Variants in LYPLAL1 observed in about 807,000 individuals in gnomAD.
The protein encoded by LYPLAL1 is lysophospholipase like 1.
A neutral mutation model predicts 19.7 loss-of-function variants in LYPLAL1; 23 were observed. The ratio of observed to expected loss-of-function variants is 1.17; its 90% confidence interval spans 0.84 to 1.65. The LOEUF (loss-of-function observed/expected upper bound fraction) is 1.65. Among genes scored for constraint, LYPLAL1 ranks in the 40% most tolerant of loss-of-function variants. The pLI is 0.00. For missense variants in LYPLAL1, 355 were observed against 279.4 expected (o/e 1.27, Z -1.93); for synonymous variants, 119 against 96.3 (o/e 1.24, Z -1.38).
the LYPLAL1 span, among the ~76,000 whole-genome samples, chr1:219,231,754 C>A: frequency 6.6e-6 from 1 of 152,196 alleles, no homozygotes; most frequent in Non-Finnish European, 1.5e-5. Context: ...TGTAGACCGT[C>A]TGCCATGCTT....
the LYPLAL1 span, among the ~76,000 whole-genome samples, chr1:219,402,417 A>G: frequency 1.3e-5 from 2 of 152,290 alleles, no homozygotes; most frequent in Admixed American, 1.3e-4. Context: ...AACTAGAAGC[A>G]GTTTGTTTAA....
the LYPLAL1 span, among the ~76,000 whole-genome samples, chr1:219,433,971 T>G: frequency 6.6e-6 from 1 of 152,148 alleles, no homozygotes; most frequent in Non-Finnish European, 1.5e-5. Context: ...ACCTGCTGAT[T>G]CTCAAAGGGG....
the LYPLAL1 span, among the ~76,000 whole-genome samples, chr1:219,238,252 C>A: frequency 6.6e-6 from 1 of 150,720 alleles, no homozygotes; most frequent in African/African-American, 2.4e-5. Flanking sequence ...ATTCTCCTGC[C>A]TCAGCCTCCC....
Position 219,204,074 on chromosome 1 carries a change from C to T in LYPLAL1, c.362-6458C>T, listed in dbSNP as rs1171219672. Among the ~76,000 whole-genome samples, 5 of 152,056 alleles carry T rather than the reference C, an allele frequency of 3.3e-5. No homozygotes were observed. The East Asian group carries it at 9.6e-4, about 29-fold the overall frequency. On this transcript the variant is annotated intron_variant, in intron 3 of 4. Transcript: ENST00000366928. ...CAAAAGGCTCATTACAGGGGATGTT[C>T]AGTTAAAGGGGGTTCCTTGGAGACA...
At chr1:219,228,069 G>T in the LYPLAL1 span, among the ~76,000 whole-genome samples, 1 of 152,082 alleles carries the variant, frequency 6.6e-6, no homozygotes. Flanking sequence ...CGGCTTCAGC[G>T]GTTCCAGGCA....
At chr1:219,174,582 G>T (rs1187619857) in intron 1 of LYPLAL1, among the ~76,000 whole-genome samples, 3 of 152,050 alleles carry the variant, frequency 2.0e-5, no homozygotes. Flanking sequence ...GACTACAGGG[G>T]CAGGACCCCC....
At chr1:219,247,257 C>T in the LYPLAL1 span, among the ~76,000 whole-genome samples, 1 of 152,062 alleles carries the variant, frequency 6.6e-6, no homozygotes, top group Non-Finnish European at 1.5e-5. Context: ...CAGACTTACA[C>T]TCTAACGAAT....
the LYPLAL1 span, among the ~76,000 whole-genome samples, chr1:219,220,543 G>A: frequency 6.6e-6 from 1 of 152,190 alleles, no homozygotes; most frequent in African/African-American, 2.4e-5. Flanking sequence ...CCTTCTGGCC[G>A]TTACCTGGAA....
the LYPLAL1 span, among the ~76,000 whole-genome samples, chr1:219,339,879 A>G: frequency 6.6e-6 from 1 of 152,022 alleles, no homozygotes; most frequent in Non-Finnish European, 1.5e-5. Flanking sequence ...TGACTAACCA[A>G]AAACTCCACA....
At chr1:219,407,092 A>G in the LYPLAL1 span, among the ~76,000 whole-genome samples, 31,338 of 152,202 alleles carry the variant, frequency 0.21, 3,223 homozygotes, top group Non-Finnish European at 0.22. Context: ...GGCAACCAGT[A>G]TGTCTGTTCC....
At chr1:219,383,937 G>T in the LYPLAL1 span, among the ~76,000 whole-genome samples, 244 of 152,240 alleles carry the variant, frequency 1.6e-3, no homozygotes, top group African/African-American at 5.5e-3. Flanking sequence ...TTCTGTTAGG[G>T]CTATAGCATT....
Position 219,205,417 on chromosome 1 carries a change from TA to T in LYPLAL1, c.362-5110del, listed in dbSNP as rs543236989. ...AGCACTCAGTAAGTATGTGTTCAAT[TA>T]AAAATAATTATAAAATTTTGTAATT... is the stretch of plus-strand genomic sequence containing the variant. On this transcript the variant is annotated intron_variant, in intron 3 of 4. Transcript: ENST00000366928. Among the ~76,000 whole-genome samples the T allele has an allele frequency of 5.1e-4, 77 of 151,836 alleles. 1 individual carries two copies. In the South Asian group the frequency reaches 0.015, roughly 30 times the overall value.
intron 2 of LYPLAL1, among the ~76,000 whole-genome samples, chr1:219,186,148 A>G (rs1333495352): frequency 2.0e-5 from 3 of 151,856 alleles, no homozygotes; most frequent in African/African-American, 7.2e-5. Context: ...ATTTGGAGCT[A>G]TTCTAGATAT....
chr1:219,263,007 A>C, the LYPLAL1 span, among the ~76,000 whole-genome samples: 7 of 152,288 alleles, frequency 4.6e-5, no homozygotes, highest in African/African-American at 1.7e-4. Context: ...CAGCTGTGGC[A>C]GTAGAAGGGG....
In LYPLAL1 at chr1:219,211,650, G is replaced by T. The variant is rs772762093; in HGVS notation, c.636G>T (p.Glu212Asp). 2 of 1,613,312 alleles carry T rather than the reference G, an allele frequency of 1.2e-6. No individual in the cohort carries two copies. Among genetic ancestry groups the T allele is most frequent in the East Asian group, 4.5e-5 (2 of 44,832 alleles). The change falls in exon 5 of 5, where the codon GAG becomes GAT. Residue 212 changes from glutamate to aspartate, a missense_variant. Coordinates refer to ENST00000366928, the MANE Select transcript of LYPLAL1 (RefSeq NM_138794.5). ...KFHSFPNVYH[E>D]LSKTELDILK... ...ATAGTTTTCCAAATGTTTACCATGA[G>T]CTAAGCAAAACTGAGTTAGACATAT... is the stretch of plus-strand genomic sequence containing the variant.
At chr1:219,333,235 C>T in the LYPLAL1 span, among the ~76,000 whole-genome samples, 2 of 152,064 alleles carry the variant, frequency 1.3e-5, no homozygotes, top group African/African-American at 4.8e-5. Context: ...TTTCACTTTG[C>T]CATATAACAC....
At chr1:219,326,049 G>A in the LYPLAL1 span, among the ~76,000 whole-genome samples, 2 of 152,050 alleles carry the variant, frequency 1.3e-5, no homozygotes, top group African/African-American at 4.8e-5. Context: ...GAGTAGCTGG[G>A]ATTACAGGCA....
At chr1:219,257,536 G>C in the LYPLAL1 span, among the ~76,000 whole-genome samples, 7 of 152,004 alleles carry the variant, frequency 4.6e-5, no homozygotes, top group African/African-American at 1.7e-4. Context: ...ATATCGGTAG[G>C]TCTGTGATGC....
At chr1:219,272,279 C>T in the LYPLAL1 span, 70,936 of 152,076 alleles carry the variant, frequency 0.47, 16,924 homozygotes, top group East Asian at 0.66. Context: ...GCCTTATCAA[C>T]TAGAGGTGTT....
Sources: allele counts gnomAD v4.1 joint callset (sites outside exome capture counted in the v4.1 genomes callset), GRCh38; gene constraint gnomAD v4.1.1; transcripts MANE v1.5; gene names NCBI Gene and HGNC (gene_info 2026-07-23, HGNC 2026-07-21).